Variants in PLEKHG7 observed in about 807,000 individuals in gnomAD.
PLEKHG7 encodes the protein pleckstrin homology and RhoGEF domain containing G7, also known as pleckstrin homology domain-containing family G member 7.
PLEKHG7 carries 77 observed loss-of-function variants against 85.2 expected under a neutral mutation model. The ratio of observed to expected loss-of-function variants is 0.90; its 90% CI spans 0.75 to 1.09. The LOEUF (loss-of-function observed/expected upper bound fraction) is 1.09, where lower values mean the gene tolerates loss of function less well. Ranked by LOEUF, PLEKHG7 falls within the 50% of genes least tolerant of loss-of-function variation. The pLI, the probability that PLEKHG7 is intolerant of heterozygous loss-of-function variation, is 0.00. For synonymous variants in PLEKHG7, 301 were observed against 302.4 expected (o/e 1.00, Z 0.05); for missense variants, 777 against 804.3 (o/e 0.97, Z 0.41).
intron 3 of PLEKHG7, among the ~76,000 whole-genome samples, chr12:92,726,150 G>T (rs1038040678): frequency 1.3e-5 from 2 of 152,190 alleles, no homozygotes; most frequent in Admixed American, 6.5e-5. Context: ...AGGCAGAAAG[G>T]CTGACACTCA....
At chr12:92,749,310 G>C (rs910930820) in intron 10 of PLEKHG7, among the ~76,000 whole-genome samples, 2 of 149,088 alleles carry the variant, frequency 1.3e-5, no homozygotes, top group Non-Finnish European at 3.0e-5. Context: ...TTTATTTATT[G>C]AGACAGAGTC....
chr12:92,728,722 T>C (rs1871896723), intron 3 of PLEKHG7, among the ~76,000 whole-genome samples: 2 of 152,104 alleles, frequency 1.3e-5, no homozygotes. Context: ...TACAGGTGTC[T>C]TTTTTATATT....
At position 92,761,779 on chromosome 12, in the gene PLEKHG7, T is replaced by G; in HGVS notation, c.1664T>G (p.Leu555Arg). ...AESTRFLDVY[L>R]FLFNDFLLVT... ...AGCACGAGATTCCTAGATGTTTATC[T>G]GTTTCTCTTCAATGATTTCCTCTTA... Residue 555 changes from leucine (L) to arginine (R), a missense_variant, in exon 14 of 17, where the codon CTG becomes CGG. Physicochemically the swap from Leu to Arg is moderately radical, Grantham distance 102. Transcript: ENST00000344636. 1 of 1,577,824 alleles carries G rather than the reference T, an allele frequency of 6.3e-7. No homozygotes were observed.
chr12:92,761,758 C>T lies in PLEKHG7; in HGVS notation c.1643C>T (p.Thr548Met). The change falls in exon 14 of 17, where the codon ACG becomes ATG. Residue 548 changes from threonine to methionine, a missense_variant. Transcript: ENST00000344636. ...YEGKLTLAES[T>M]RFLDVYLFLF... Reference sequence around the variant, plus strand: ...CTTCTCTTTTTTTCCTCAGAAAGCACGAGATTCCTAGATGTTTATCTGTTT... The same window carrying T: ...CTTCTCTTTTTTTCCTCAGAAAGCATGAGATTCCTAGATGTTTATCTGTTT... 6.4e-7 allele frequency: 1 copy of T among 1,569,584 alleles called. No homozygotes were observed. The highest frequency in any genetic ancestry group is 8.6e-7 in the Non-Finnish European group (1 of 1,164,550).
rs1444253475 is a variant in PLEKHG7, at chr12:92,771,179, A to G, written c.*984A>G. The G allele has an allele frequency of 6.6e-6, 1 of 152,122 alleles. No homozygotes were observed. Among genetic ancestry groups the G allele is most frequent in the Admixed American group, 6.6e-5 (1 of 15,262 alleles). 9.4% of individuals were successfully genotyped at this position (152,122 alleles called of 1,614,324 possible). A position where few individuals can be genotyped will look rare whatever the true frequency, so the allele number is the denominator to read the frequency against. ...TCTTAGGGTCAGATTATTGCATCAA[A>G]GGGAAGTCCACAAACTTCCATTTCA... On this transcript the variant is annotated 3_prime_UTR_variant, in exon 17 of 17. Transcript: ENST00000344636.
chr12:92,745,728 G>T (rs1009183871), intron 10 of PLEKHG7, 137 bp downstream of exon 10: 5 of 612,356 alleles, frequency 8.2e-6, no homozygotes, highest in Non-Finnish European at 1.4e-5. Flanking sequence ...CTACAAATCT[G>T]CTTTCCTCAT....
intron 1 of PLEKHG7, among the ~76,000 whole-genome samples, chr12:92,704,277 A>T (rs1246265205): frequency 1.3e-5 from 2 of 152,014 alleles, no homozygotes; most frequent in African/African-American, 2.4e-5. Context: ...GAAAAAAAAA[A>T]AGAAAGAAAG....
chr12:92,711,644 C>T (rs1871368998), intron 3 of PLEKHG7, among the ~76,000 whole-genome samples: 1 of 151,998 alleles, frequency 6.6e-6, no homozygotes, highest in African/African-American at 2.4e-5. Flanking sequence ...TAGTTATCTG[C>T]AGAAGATGGC....
chr12:92,703,948 C>T (rs1442882026), intron 1 of PLEKHG7, among the ~76,000 whole-genome samples: 2 of 152,188 alleles, frequency 1.3e-5, no homozygotes, highest in Non-Finnish European at 2.9e-5. Context: ...AGGGGAAACC[C>T]AAAGACTAAG....
chr12:92,728,996 CTACG>C lies in PLEKHG7; in HGVS notation c.535_538del (p.Tyr179SerfsTer9). The C allele has an allele frequency of 4.1e-6, 5 of 1,231,678 alleles. No individual in the cohort carries two copies. The highest frequency in any genetic ancestry group is 5.1e-6 in the Non-Finnish European group (5 of 987,694). 76.3% of individuals were successfully genotyped at this position (1,231,678 alleles called of 1,614,324 possible). On this transcript the variant is annotated frameshift_variant, in exon 4 of 17. Coordinates refer to ENST00000344636, the MANE Select transcript of PLEKHG7 (RefSeq NM_001377329.1). LOFTEE classifies it high-confidence loss of function. ...TCCTTTTATCTCTTGAGCACAGGTT[CTACG>C]AGCACAGGCGGAGTTCTGTGGTGCT...
intron 7 of PLEKHG7, among the ~76,000 whole-genome samples, chr12:92,740,542 G>T (rs528393312): frequency 3.9e-5 from 6 of 152,224 alleles, no homozygotes; most frequent in Non-Finnish European, 8.8e-5. Context: ...TTGGCAAGAA[G>T]AGAATCTTTG....
chr12:92,706,620 C>A lies in PLEKHG7; in HGVS notation c.-12C>A. On this transcript the variant is annotated 5_prime_UTR_variant, in exon 2 of 17. Transcript: ENST00000344636. ...CTGGAACCTTCTACCAACAGTAGAACCTCTTAGCTTTATGGAGAAAACAGA... is the reference window on the plus strand; with the variant it reads ...CTGGAACCTTCTACCAACAGTAGAAACTCTTAGCTTTATGGAGAAAACAGA... 6.3e-7 allele frequency: 1 copy of A among 1,594,664 alleles called. No individual in the cohort carries two copies. The highest frequency in any genetic ancestry group is 1.3e-5 in the African/African-American group (1 of 74,176).
At chr12:92,726,216 C>G (rs1391899356) in intron 3 of PLEKHG7, among the ~76,000 whole-genome samples, 1 of 152,094 alleles carries the variant, frequency 6.6e-6, no homozygotes, top group Non-Finnish European at 1.5e-5. Context: ...ACTTGAGCAG[C>G]AGCTAGGTAG....
Position 92,704,067 on chromosome 12 carries a change from C to T in PLEKHG7, c.-162+935C>T, listed in dbSNP as rs148198056. On this transcript the variant is annotated intron_variant, in intron 1 of 16. Coordinates refer to ENST00000344636, the MANE Select transcript of PLEKHG7 (RefSeq NM_001377329.1). ...CTTCTAAAGGAGAAAAATAATAGAA[C>T]GGCCCTGATTGTATGTATGTGTGAA... 2.3e-3 allele frequency among the ~76,000 whole-genome samples: 352 copies of T among 152,252 alleles called. 1 individual carries two copies. The highest frequency in any genetic ancestry group is 8.0e-3 in the African/African-American group (333 of 41,540).
intron 3 of PLEKHG7, among the ~76,000 whole-genome samples, chr12:92,719,939 C>T (rs768313573): frequency 1.2e-4 from 18 of 152,168 alleles, no homozygotes; most frequent in Admixed American, 1.3e-4. Context: ...GGCAGCCTCA[C>T]GTGGCACACT....
intron 3 of PLEKHG7, among the ~76,000 whole-genome samples, chr12:92,723,163 T>C (rs1353621261): frequency 1.3e-5 from 2 of 152,214 alleles, no homozygotes; most frequent in Non-Finnish European, 1.5e-5. Flanking sequence ...CTAGCTATTC[T>C]TGGAGTACAC....
At chr12:92,719,668 GTTA>G (rs1565787673) in intron 3 of PLEKHG7, among the ~76,000 whole-genome samples, 1 of 152,132 alleles carries the variant, frequency 6.6e-6, no homozygotes, top group East Asian at 1.9e-4. Context: ...TCTAGCCTTT[GTTA>G]TTATTTTTTC....
At chr12:92,715,739 G>T (rs1057167500) in intron 3 of PLEKHG7, among the ~76,000 whole-genome samples, 4 of 115,412 alleles carry the variant, frequency 3.5e-5, no homozygotes, top group East Asian at 4.3e-4. Context: ...AAAAAAAAAA[G>T]GCCTATCAAA....
At chr12:92,760,589 A>C (rs1872958841) in intron 13 of PLEKHG7, among the ~76,000 whole-genome samples, 1 of 152,142 alleles carries the variant, frequency 6.6e-6, no homozygotes, top group African/African-American at 2.4e-5. Context: ...TACTCTAAGC[A>C]CTTGTCACAT....
Sources: gnomAD v4.1 joint callset for allele counts (sites outside exome capture counted in the v4.1 genomes callset) on GRCh38, gnomAD v4.1.1 for gene constraint, MANE v1.5 for transcripts, NCBI Gene and HGNC (gene_info 2026-07-23, HGNC 2026-07-21) for gene names.